The following COL13A1 variants were observed in gnomAD, a reference collection of about 807,000 sequenced individuals.
COL13A1 encodes collagen type XIII alpha 1 chain, also known as collagen alpha-1(XIII) chain.
Under a neutral mutation model 130.9 loss-of-function variants are expected in COL13A1, and 89 were observed. The observed-to-expected ratio is 0.68, with a 90% CI of 0.57 to 0.81. COL13A1 has a LOEUF of 0.81. COL13A1 is among the 30% of genes least tolerant of loss of function. The pLI is 0.00. For missense variants in COL13A1, 879 were observed against 934.6 expected (o/e 0.94, Z 0.78); for synonymous variants, 402 against 341.6 (o/e 1.18, Z -1.95).
At chr10:69,863,498 C>A (rs756972126) in intron 2 of COL13A1, among the ~76,000 whole-genome samples, 2 of 152,100 alleles carry the variant, frequency 1.3e-5, no homozygotes, top group Non-Finnish European at 2.9e-5. Flanking sequence ...AGGAGCCCAG[C>A]GGTCAAGCAG....
At position 69,958,875 on chromosome 10, in the gene COL13A1, C is replaced by T; in HGVS notation, c.*174C>T. The T allele has an allele frequency of 2.2e-6, 2 of 893,176 alleles. No homozygotes were observed. The highest frequency in any genetic ancestry group is 1.6e-6 in the Non-Finnish European group (1 of 608,252). 55.3% of individuals were successfully genotyped at this position (893,176 alleles called of 1,614,324 possible). A position where few individuals can be genotyped will look rare whatever the true frequency, so the allele number is the denominator to read the frequency against. On this transcript the variant is annotated 3_prime_UTR_variant, in exon 41 of 41. Transcript: ENST00000645393. ...ATATCAACCTCTTCCCTTTTGTTTA[C>T]AAGATGTTTTGTATAAGCCTATGTC... is the stretch of plus-strand genomic sequence containing the variant.
chr10:69,952,232 A>G (rs1234110675), intron 38 of COL13A1, among the ~76,000 whole-genome samples: 6 of 152,238 alleles, frequency 3.9e-5, no homozygotes, highest in African/African-American at 1.4e-4. Context: ...ATATGTGCAC[A>G]TGGACACACA....
chr10:69,943,139 C>T lies in COL13A1; in HGVS notation c.1915-986C>T, dbSNP rs140221613. On this transcript the variant is annotated intron_variant, in intron 35 of 40. Coordinates refer to ENST00000645393, the MANE Select transcript of COL13A1 (RefSeq NM_001368882.1). ...CTGGGATTACAGCCGTGAGCCACTGCGCCCAGCCTCCTTTTTCTTTCTGCT... is the reference window on the plus strand; with the variant it reads ...CTGGGATTACAGCCGTGAGCCACTGTGCCCAGCCTCCTTTTTCTTTCTGCT... 4.4e-3 allele frequency among the ~76,000 whole-genome samples: 677 copies of T among 152,336 alleles called. 4 individuals are homozygous for T. The highest frequency in any genetic ancestry group is 0.014 in the African/African-American group (581 of 41,576).
intron 20 of COL13A1, among the ~76,000 whole-genome samples, chr10:69,919,376 T>A (rs889633710): frequency 6.6e-6 from 1 of 152,232 alleles, no homozygotes; most frequent in Non-Finnish European, 1.5e-5. Context: ...CAATAAGATA[T>A]GTGACAAGAA....
intron 13 of COL13A1, among the ~76,000 whole-genome samples, chr10:69,895,791 T>C (rs1041521828): frequency 6.6e-6 from 1 of 152,128 alleles, no homozygotes; most frequent in African/African-American, 2.4e-5. Context: ...CCATGTGCTA[T>C]ATGGAGCCGC....
chr10:69,885,639 T>G (rs1015505003), intron 7 of COL13A1, among the ~76,000 whole-genome samples: 2 of 152,198 alleles, frequency 1.3e-5, no homozygotes, highest in African/African-American at 4.8e-5. Context: ...CCCTACCACG[T>G]AAACATTGTC....
chr10:69,821,253 T>C (rs933736008), intron 1 of COL13A1, among the ~76,000 whole-genome samples: 2 of 152,214 alleles, frequency 1.3e-5, no homozygotes, highest in Admixed American at 6.5e-5. Flanking sequence ...ATAATAATAA[T>C]GATTTAAAGC....
intron 2 of COL13A1, among the ~76,000 whole-genome samples, chr10:69,854,503 G>T (rs1855844054): frequency 6.6e-6 from 1 of 151,730 alleles, no homozygotes; most frequent in Admixed American, 6.6e-5. Flanking sequence ...AGCCTGGGAG[G>T]TTGTGGCTGC....
chr10:69,905,791 A>T lies in COL13A1; in HGVS notation c.890A>T (p.Asp297Val). Residue 297 changes from aspartate (D) to valine (V), a missense_variant, in exon 17 of 41, where the codon GAC becomes GTC. Around this residue, in one of 3 missense-constraint regions of COL13A1, gnomAD observed 715 missense variants for 721.0 expected, o/e 0.99. Transcript: ENST00000645393. ...GLPGPPGPKG[D>V]PGIQGYHGRK... ...GCCTTCTCTTTGTTTTCCCAGGGAG[A>T]CCCAGGGATCCAGGGCTACCACGGC... is the stretch of plus-strand genomic sequence containing the variant. 2 of 1,613,532 alleles carry T rather than the reference A, an allele frequency of 1.2e-6. No individual in the cohort carries two copies. Among genetic ancestry groups the T allele is most frequent in the Non-Finnish European group, 1.7e-6 (2 of 1,179,766 alleles).
chr10:69,879,123 G>A (rs979606717), intron 6 of COL13A1, among the ~76,000 whole-genome samples: 3 of 152,208 alleles, frequency 2.0e-5, no homozygotes, highest in Admixed American at 2.0e-4. Flanking sequence ...GAGGCACAGA[G>A]AGGCCAAGTC....
intron 17 of COL13A1, among the ~76,000 whole-genome samples, chr10:69,908,615 G>A (rs1210933636): frequency 1.3e-5 from 2 of 152,190 alleles, no homozygotes; most frequent in Non-Finnish European, 2.9e-5. Flanking sequence ...TCCTGAGTAC[G>A]GAGAATCCTC....
chr10:69,896,895 G>A (rs1037109376), intron 13 of COL13A1, among the ~76,000 whole-genome samples: 1 of 152,232 alleles, frequency 6.6e-6, no homozygotes, highest in African/African-American at 2.4e-5. Context: ...AAGGTCAGCT[G>A]TGTTTATTTG....
intron 18 of COL13A1, among the ~76,000 whole-genome samples, chr10:69,917,596 AG>A (rs2064085034): frequency 6.6e-6 from 1 of 152,104 alleles, no homozygotes; most frequent in Non-Finnish European, 1.5e-5. Context: ...AGTGGAGAGT[AG>A]GGGCCCCCAA....
chr10:69,920,486 G>C (rs547274533), intron 21 of COL13A1, among the ~76,000 whole-genome samples: 1 of 152,322 alleles, frequency 6.6e-6, no homozygotes, highest in Admixed American at 6.5e-5. Flanking sequence ...GCTGTATTTA[G>C]ATAGGGCCTT....
rs1158560676 is a variant in COL13A1 at position 69,822,463 on chromosome 10, C to A, written c.364+25C>A. The A allele has an allele frequency of 4.5e-6, 7 of 1,557,046 alleles. No homozygotes were observed. The African/African-American group carries it at 8.2e-5, about 18-fold the overall frequency. On this transcript the variant is annotated intron_variant, in intron 2 of 40. Transcript: ENST00000645393. The stretch of plus-strand genomic sequence containing the variant: ...GGTAAGCAGCCCTGCAAATAGGTGA[C>A]CGCGGATGTTCCTAAGACTGAGACC...
chr10:69,919,122 A>T (rs766980452), intron 20 of COL13A1, 34 bp downstream of exon 20: 1 of 1,613,600 alleles, frequency 6.2e-7, no homozygotes, highest in South Asian at 1.1e-5. Context: ...CGGGCTGCAC[A>T]GAGCATCGGT....
At chr10:69,830,777 G>C (rs1254379802) in intron 2 of COL13A1, among the ~76,000 whole-genome samples, 1 of 152,118 alleles carries the variant, frequency 6.6e-6, no homozygotes, top group African/African-American at 2.4e-5. Context: ...GATTTAAAGT[G>C]TACAATTTGA....
chr10:69,818,625 AG>A (rs1845230728), intron 1 of COL13A1, among the ~76,000 whole-genome samples: 2 of 152,246 alleles, frequency 1.3e-5, no homozygotes, highest in African/African-American at 4.8e-5. Context: ...TTAAACCTGA[AG>A]GCCTGAGAGC....
rs764684972 is a variant in COL13A1, at chr10:69,802,373, C to A, written c.-51C>A. ...GATAGAGCCTTTTGGCAGCGGCTGT[C>A]GCCTTTATTTATTCTATTTATTTAT... On this transcript the variant is annotated 5_prime_UTR_variant, in exon 1 of 41. Transcript: ENST00000645393. The A allele has an allele frequency of 1.4e-6, 2 of 1,399,884 alleles. No homozygotes were observed. Among genetic ancestry groups the A allele is most frequent in the Non-Finnish European group, 1.8e-6 (2 of 1,081,758 alleles). 86.7% of individuals were successfully genotyped at this position (1,399,884 alleles called of 1,614,324 possible).
Sources: gnomAD v4.1 joint callset for allele counts (sites outside exome capture counted in the v4.1 genomes callset) on GRCh38, gnomAD v4.1.1 for gene constraint, gnomAD v4.1.1 regional missense constraint, MANE v1.5 for transcripts, NCBI Gene and HGNC (gene_info 2026-07-23, HGNC 2026-07-21) for gene names.